PDE1A: variants seen among roughly 807,000 people sequenced by gnomAD.
PDE1A encodes the protein dual specificity calcium/calmodulin-dependent 3',5'-cyclic nucleotide phosphodiesterase 1A.
PDE1A carries 35 observed loss-of-function variants against 61.7 expected under a neutral mutation model. The observed-to-expected ratio is 0.57, with a 90% CI of 0.43 to 0.75. The LOEUF (loss-of-function observed/expected upper bound fraction) is 0.75. PDE1A is among the 30% of genes least tolerant of loss of function. PDE1A has a pLI of 0.00. For missense variants in PDE1A, 597 were observed against 630.6 expected, an observed-to-expected ratio of 0.95 and a Z score of 0.57; for synonymous variants, 232 against 213.2, an observed-to-expected ratio of 1.09 and a Z score of -0.77.
intron 1 of PDE1A, among the ~76,000 whole-genome samples, chr2:182,385,189 A>G (rs1324039227): frequency 1.3e-5 from 2 of 152,220 alleles, no homozygotes; most frequent in Non-Finnish European, 2.9e-5. Context: ...GTTGAAAGAA[A>G]AGGATGCTAA....
intron 2 of PDE1A, among the ~76,000 whole-genome samples, chr2:182,436,394 A>G (rs1684413147): frequency 6.6e-6 from 1 of 151,996 alleles, no homozygotes. Context: ...TCAAAATTCA[A>G]ATTCCATACA....
chr2:182,419,827 A>G (rs1483308813), intron 1 of PDE1A, among the ~76,000 whole-genome samples: 1 of 152,110 alleles, frequency 6.6e-6, no homozygotes, highest in Admixed American at 6.6e-5. Flanking sequence ...ACATATTTAC[A>G]ATACCAGTGT....
At chr2:182,517,155 T>A (rs1356408088) in intron 2 of PDE1A, among the ~76,000 whole-genome samples, 1 of 152,216 alleles carries the variant, frequency 6.6e-6, no homozygotes, top group Non-Finnish European at 1.5e-5. Context: ...AAGATAAATA[T>A]AATGTTAGAG....
intron 1 of PDE1A, among the ~76,000 whole-genome samples, chr2:182,371,871 G>A (rs543327786): frequency 5.9e-5 from 9 of 152,282 alleles, no homozygotes; most frequent in East Asian, 3.9e-4. Context: ...TGCAACCTCC[G>A]TTTCCTGGGC....
At chr2:182,452,141 T>C (rs1685568533) in intron 2 of PDE1A, among the ~76,000 whole-genome samples, 2 of 152,124 alleles carry the variant, frequency 1.3e-5, no homozygotes, top group African/African-American at 4.8e-5. Flanking sequence ...TATACTATGC[T>C]ATTTAAATCA....
intron 2 of PDE1A, among the ~76,000 whole-genome samples, chr2:182,511,887 C>A (rs73044460): frequency 0.012 from 1,829 of 152,252 alleles, 41 homozygotes; most frequent in African/African-American, 0.042. Flanking sequence ...TGGGCCCCTG[C>A]CAGTGCACAC....
chr2:182,574,511 C>G, the PDE1A span, among the ~76,000 whole-genome samples: 9 of 152,154 alleles, frequency 5.9e-5, no homozygotes, highest in Non-Finnish European at 7.3e-5. Flanking sequence ...ACGCACCAAT[C>G]CCCAACCCAA....
chr2:182,204,252 T>C (rs1180762287), intron 8 of PDE1A, among the ~76,000 whole-genome samples: 2 of 152,238 alleles, frequency 1.3e-5, no homozygotes, highest in Non-Finnish European at 2.9e-5. Flanking sequence ...TCTCAGAACT[T>C]GTCTGCTTGT....
chr2:182,688,504 AC>A, the PDE1A span, among the ~76,000 whole-genome samples: 1 of 152,272 alleles, frequency 6.6e-6, no homozygotes, highest in South Asian at 2.1e-4. Context: ...CACTAGGCCT[AC>A]CCTACAAGAG....
the PDE1A span, among the ~76,000 whole-genome samples, chr2:182,683,903 T>C: frequency 6.6e-6 from 1 of 152,020 alleles, no homozygotes; most frequent in Non-Finnish European, 1.5e-5. Flanking sequence ...GAGGATCACC[T>C]GAGGTCAGGA....
rs1006761694 is a variant in PDE1A at position 182,313,077 on chromosome 2, C to T, written c.54-48663G>A. Among the ~76,000 whole-genome samples the T allele has an allele frequency of 3.9e-5, 6 of 152,074 alleles. No homozygotes were observed. The East Asian group carries it at 9.6e-4, about 24-fold the overall frequency. On this transcript the variant is annotated intron_variant, in intron 1 of 13. Transcript: ENST00000351439. The stretch of plus-strand genomic sequence containing the variant: ...GTTGCTATTGTAAATATTAGATATC[C>T]TATTATCTTGCTAAACGTACTTATT...
At chr2:182,299,706 T>A (rs1048386277) in intron 1 of PDE1A, among the ~76,000 whole-genome samples, 6 of 152,054 alleles carry the variant, frequency 3.9e-5, no homozygotes, top group East Asian at 1.9e-4. Context: ...AGTATACAAC[T>A]GCTGAAATGA....
chr2:182,530,730 C>G, the PDE1A span, among the ~76,000 whole-genome samples: 1 of 152,078 alleles, frequency 6.6e-6, no homozygotes, highest in East Asian at 1.9e-4. Flanking sequence ...TAAAGAAAAA[C>G]TAAAAGAATG....
the PDE1A span, among the ~76,000 whole-genome samples, chr2:182,672,765 G>C: frequency 6.6e-6 from 1 of 152,188 alleles, no homozygotes; most frequent in Non-Finnish European, 1.5e-5. Flanking sequence ...TGCCTGCCAC[G>C]TCCTTCTGTT....
intron 2 of PDE1A, among the ~76,000 whole-genome samples, chr2:182,456,224 C>G (rs1685910580): frequency 6.6e-6 from 1 of 152,010 alleles, no homozygotes; most frequent in African/African-American, 2.4e-5. Context: ...GGGAACTTAT[C>G]AGCCATGCAA....
chr2:182,539,625 C>A, the PDE1A span, among the ~76,000 whole-genome samples: 2 of 152,142 alleles, frequency 1.3e-5, no homozygotes, highest in Non-Finnish European at 2.9e-5. Flanking sequence ...ACATCACATC[C>A]CATACTGAAA....
intron 2 of PDE1A, among the ~76,000 whole-genome samples, chr2:182,521,694 T>C (rs1402599461): frequency 2.0e-5 from 3 of 152,158 alleles, no homozygotes; most frequent in Admixed American, 6.6e-5. Context: ...TGGACTATTC[T>C]GTACTCTCAG....
At chr2:182,413,988 G>A (rs78130903) in intron 1 of PDE1A, among the ~76,000 whole-genome samples, 3,422 of 152,226 alleles carry the variant, frequency 0.022, 58 homozygotes, top group South Asian at 0.048. Flanking sequence ...GTAGTATTGG[G>A]TATCAGGAGG....
At chr2:182,654,148 T>G in the PDE1A span, among the ~76,000 whole-genome samples, 1 of 152,306 alleles carries the variant, frequency 6.6e-6, no homozygotes, top group African/African-American at 2.4e-5. Context: ...GATTGAAAAC[T>G]GCATTTGTTA....
Sources: allele counts gnomAD v4.1 joint callset (sites outside exome capture counted in the v4.1 genomes callset), GRCh38; gene constraint gnomAD v4.1.1; transcripts MANE v1.5; gene names NCBI Gene and HGNC (gene_info 2026-07-23, HGNC 2026-07-21).